Variants in NHSL3 observed in about 807,000 individuals in gnomAD.
NHSL3 encodes NHS-like protein 3.
chr1:32,763,360 TCTC>T, the NHSL3 span, among the ~76,000 whole-genome samples: 1 of 152,066 alleles, frequency 6.6e-6, no homozygotes, highest in African/African-American at 2.4e-5. Flanking sequence ...TGTCGCCTGC[TCTC>T]CTCTGATTCC....
At chr1:32,741,943 C>A in the NHSL3 span, 5 of 839,020 alleles carry the variant, frequency 6.0e-6, no homozygotes, top group Non-Finnish European at 7.4e-6. The surrounding 1 kb of genome is among the most constrained non-coding windows in gnomAD (Gnocchi z 4.3). Context: ...GCCCGCTCCG[C>A]CCCCGCCTGC....
At chr1:32,767,300 T>C in the NHSL3 span, among the ~76,000 whole-genome samples, 4 of 152,176 alleles carry the variant, frequency 2.6e-5, no homozygotes, top group African/African-American at 9.7e-5. Flanking sequence ...TGTGGGGCTC[T>C]GAGTGACGTG....
the NHSL3 span, among the ~76,000 whole-genome samples, chr1:32,762,572 T>C: frequency 6.6e-6 from 1 of 151,674 alleles, no homozygotes; most frequent in Non-Finnish European, 1.5e-5. Flanking sequence ...AAGCCCAGCC[T>C]CCCAGGAAAT....
At chr1:32,770,111 G>T in the NHSL3 span, 18 of 1,557,388 alleles carry the variant, frequency 1.2e-5, no homozygotes, top group Non-Finnish European at 1.6e-5. The surrounding 1 kb of genome is among the most constrained non-coding windows in gnomAD (Gnocchi z 8.3). Context: ...CGGTCCACGG[G>T]TACCCGGGCC....
chr1:32,753,520 T>TA, the NHSL3 span, among the ~76,000 whole-genome samples: 1 of 152,086 alleles, frequency 6.6e-6, no homozygotes, highest in Admixed American at 6.5e-5. Context: ...GGACCTACCT[T>TA]ACACAATTGT....
the NHSL3 span, chr1:32,771,237 T>A: frequency 6.2e-7 from 1 of 1,609,790 alleles, no homozygotes; most frequent in South Asian, 1.1e-5. Flanking sequence ...CTGCCCCTGC[T>A]CTAGCCGCCC....
the NHSL3 span, among the ~76,000 whole-genome samples, chr1:32,760,190 G>C: frequency 6.6e-6 from 1 of 152,184 alleles, no homozygotes; most frequent in Non-Finnish European, 1.5e-5. Flanking sequence ...GGAGTTGGGG[G>C]CTGGGTTGGC....
chr1:32,761,375 C>G, the NHSL3 span, among the ~76,000 whole-genome samples: 5 of 152,112 alleles, frequency 3.3e-5, no homozygotes, highest in African/African-American at 1.2e-4. Flanking sequence ...AGGGGTGTCG[C>G]TGGGGCAACC....
the NHSL3 span, among the ~76,000 whole-genome samples, chr1:32,751,537 G>A: frequency 6.6e-6 from 1 of 152,162 alleles, no homozygotes; most frequent in Non-Finnish European, 1.5e-5. Flanking sequence ...GCAAGTTCTG[G>A]GATGGTGAAC....
the NHSL3 span, chr1:32,770,939 A>G: frequency 6.2e-7 from 1 of 1,611,190 alleles, no homozygotes; most frequent in Non-Finnish European, 8.5e-7. The surrounding 1 kb of genome is among the most constrained non-coding windows in gnomAD (Gnocchi z 8.3). Context: ...TACTCGAGCC[A>G]AAGTGGTACT....
the NHSL3 span, among the ~76,000 whole-genome samples, chr1:32,762,864 A>T: frequency 6.6e-6 from 1 of 152,192 alleles, no homozygotes; most frequent in Admixed American, 6.5e-5. Flanking sequence ...CTGGGATTAC[A>T]GGCATGGGCC....
At chr1:32,774,743 G>T in the NHSL3 span, 14 of 152,656 alleles carry the variant, frequency 9.2e-5, no homozygotes, top group East Asian at 2.7e-3. Context: ...GCCCTTCTTT[G>T]TCCTCTGGGG....
chr1:32,753,250 C>T, the NHSL3 span, among the ~76,000 whole-genome samples: 1 of 151,208 alleles, frequency 6.6e-6, no homozygotes, highest in Non-Finnish European at 1.5e-5. Flanking sequence ...TTTAGGAGGC[C>T]AAAGCAGGCA....
the NHSL3 span, chr1:32,742,134 C>T: frequency 1.0e-4 from 125 of 1,245,192 alleles, 1 homozygote; most frequent in Non-Finnish European, 1.2e-4. Flanking sequence ...AACCGGCCGC[C>T]CCCCGGGCCA....
the NHSL3 span, among the ~76,000 whole-genome samples, chr1:32,764,655 A>G: frequency 2.0e-5 from 3 of 152,106 alleles, no homozygotes; most frequent in African/African-American, 7.2e-5. Flanking sequence ...TAATTTTAGT[A>G]GAGACAGGGT....
chr1:32,772,269 T>G, the NHSL3 span: 2 of 1,602,860 alleles, frequency 1.2e-6, no homozygotes, highest in South Asian at 2.2e-5. Context: ...GCAAGCCGTC[T>G]GTGGGAGTCC....
chr1:32,771,378 AC>A, the NHSL3 span: 3 of 534,784 alleles, frequency 5.6e-6, no homozygotes, highest in Non-Finnish European at 7.7e-6. Flanking sequence ...CACCTTCCCC[AC>A]CCCCATCTTA....
At chr1:32,754,292 G>A in the NHSL3 span, 3 of 579,476 alleles carry the variant, frequency 5.2e-6, no homozygotes, top group Non-Finnish European at 9.6e-6. Context: ...GGGGGGGTCG[G>A]GAATCCCCGC....
At chr1:32,760,780 G>A in the NHSL3 span, among the ~76,000 whole-genome samples, 3 of 152,002 alleles carry the variant, frequency 2.0e-5, no homozygotes, top group Admixed American at 1.3e-4. Context: ...TAGTAGAGAC[G>A]GGCTTTCACG....
Sources: allele counts gnomAD v4.1 joint callset (sites outside exome capture counted in the v4.1 genomes callset), GRCh38; gene constraint gnomAD v4.1.1; non-coding constraint Gnocchi (gnomAD v3.1); transcripts MANE v1.5; gene names NCBI Gene and HGNC (gene_info 2026-07-23, HGNC 2026-07-21).